ROBO1: variants seen among roughly 807,000 people sequenced by gnomAD.
ROBO1 encodes roundabout homolog 1.
In ROBO1, 149 loss-of-function variants were observed where a neutral mutation model predicts 195.9. The ratio of observed to expected loss-of-function variants is 0.76; its 90% CI spans 0.67 to 0.87. The LOEUF (loss-of-function observed/expected upper bound fraction) is 0.87. Among genes scored for constraint, ROBO1 ranks in the 40% least tolerant of loss-of-function variants. The pLI, the probability that ROBO1 is intolerant of heterozygous loss-of-function variation, is 0.00. For missense variants in ROBO1, 1,933 were observed against 2,068.3 expected, an observed-to-expected ratio of 0.93 and a Z score of 1.27; for synonymous variants, 816 against 733.2, an observed-to-expected ratio of 1.11 and a Z score of -1.82.
chr3:78,846,453 T>A (rs1431593447), intron 4 of ROBO1, among the ~76,000 whole-genome samples: 1 of 152,148 alleles, frequency 6.6e-6, no homozygotes, highest in Non-Finnish European at 1.5e-5. Context: ...CCCTGTGAGT[T>A]CAAGCCTTCT....
intron 1 of ROBO1, among the ~76,000 whole-genome samples, chr3:79,677,637 T>TG (rs1203418111): frequency 6.6e-6 from 1 of 152,024 alleles, no homozygotes; most frequent in East Asian, 1.9e-4. Flanking sequence ...GGTAGGGACA[T>TG]GGGGCGAAAC....
chr3:79,458,687 A>G (rs982444022), intron 2 of ROBO1, among the ~76,000 whole-genome samples: 12 of 152,250 alleles, frequency 7.9e-5, no homozygotes, highest in African/African-American at 2.9e-4. Context: ...TATTAAAACG[A>G]AACACTATGA....
chr3:79,650,112 AG>A (rs1326045280), intron 1 of ROBO1, among the ~76,000 whole-genome samples: 7 of 152,018 alleles, frequency 4.6e-5, no homozygotes, highest in African/African-American at 1.7e-4. Flanking sequence ...TTGAGAACAA[AG>A]AAAAAATAGA....
intron 1 of ROBO1, among the ~76,000 whole-genome samples, chr3:79,669,224 G>A: frequency 6.6e-6 from 1 of 151,794 alleles, no homozygotes; most frequent in East Asian, 2.0e-4. Flanking sequence ...GAGTTTCCCT[G>A]TACCAGCTCT....
At chr3:78,906,691 G>A (rs548970352) in intron 4 of ROBO1, among the ~76,000 whole-genome samples, 40 of 149,312 alleles carry the variant, frequency 2.7e-4, no homozygotes, top group Admixed American at 8.0e-4. Flanking sequence ...TGACAATTAT[G>A]AGGACCCCAA....
At chr3:78,660,997 A>G (rs1707361530) in intron 16 of ROBO1, 33 bp downstream of exon 16, 5 of 1,418,106 alleles carry the variant, frequency 3.5e-6, no homozygotes, top group Non-Finnish European at 3.9e-6. Context: ...ATATACTGCA[A>G]TGCATGGAAA....
chr3:79,549,939 A>G (rs1158595673), intron 2 of ROBO1, among the ~76,000 whole-genome samples: 1 of 151,634 alleles, frequency 6.6e-6, no homozygotes, highest in East Asian at 2.0e-4. Flanking sequence ...AGCCTGGGCA[A>G]CATAGTAAGA....
chr3:79,225,166 G>A (rs1182751027), intron 2 of ROBO1, among the ~76,000 whole-genome samples: 1 of 151,318 alleles, frequency 6.6e-6, no homozygotes, highest in Non-Finnish European at 1.5e-5. Flanking sequence ...GTAATTCTTT[G>A]GGGGGGAAAT....
At chr3:79,351,264 C>T (rs2035330988) in intron 2 of ROBO1, among the ~76,000 whole-genome samples, 2 of 152,164 alleles carry the variant, frequency 1.3e-5, no homozygotes, top group Admixed American at 6.6e-5. Context: ...CACAGATAAT[C>T]ATGAGCAAAA....
intron 3 of ROBO1, among the ~76,000 whole-genome samples, chr3:79,069,332 G>A (rs1441827620): frequency 6.6e-6 from 1 of 151,710 alleles, no homozygotes; most frequent in Admixed American, 6.6e-5. Context: ...ATTTCAGATT[G>A]TGTAGCATTT....
chr3:79,649,663 G>A lies in ROBO1; in HGVS notation c.-50-59702C>T, dbSNP rs148029550. ...AACTTGAATGGATGAAGGAATACCA[G>A]GAAACCTAGTAAAGCATTTATTTGT... is the stretch of plus-strand genomic sequence containing the variant. On this transcript the variant is annotated intron_variant, in intron 1 of 30. Coordinates refer to ENST00000464233, the MANE Select transcript of ROBO1 (RefSeq NM_002941.4). Among the ~76,000 whole-genome samples the A allele has an allele frequency of 9.8e-3, 1,490 of 152,174 alleles. 9 individuals are homozygous for A. The highest frequency in any genetic ancestry group is 0.017 in the Non-Finnish European group (1,142 of 67,974).
chr3:79,192,585 G>A (rs1451302612), intron 2 of ROBO1, among the ~76,000 whole-genome samples: 3 of 151,440 alleles, frequency 2.0e-5, no homozygotes, highest in Admixed American at 6.6e-5. Flanking sequence ...TGTTTTAGGC[G>A]GTGGGTGTGA....
At chr3:78,855,415 A>G (rs940577470) in intron 4 of ROBO1, among the ~76,000 whole-genome samples, 4 of 152,208 alleles carry the variant, frequency 2.6e-5, no homozygotes, top group Non-Finnish European at 1.5e-5. Flanking sequence ...AAAGTCAGGC[A>G]GAGCCTGGGC....
chr3:78,718,156 C>A lies in ROBO1; in HGVS notation c.658-273G>T, dbSNP rs777287290. Among the ~76,000 whole-genome samples the A allele has an allele frequency of 1.1e-3, 161 of 152,008 alleles. 1 individual carries two copies. The highest frequency in any genetic ancestry group is 3.4e-4 in the Non-Finnish European group (23 of 68,004). ...AGCTAGAAACTTGTTGCCCAATCGG[C>A]CAAGTTATTTCATATTATTTAGTTA... On this transcript the variant is annotated intron_variant, in intron 5 of 30. Coordinates refer to ENST00000464233, the MANE Select transcript of ROBO1 (RefSeq NM_002941.4).
chr3:79,004,543 T>C (rs76498869), intron 3 of ROBO1, among the ~76,000 whole-genome samples: 3 of 152,024 alleles, frequency 2.0e-5, no homozygotes, highest in Admixed American at 2.0e-4. Flanking sequence ...ACATAAGAAA[T>C]ACATCAAATC....
At chr3:79,509,253 T>C (rs949261040) in intron 2 of ROBO1, among the ~76,000 whole-genome samples, 20 of 152,148 alleles carry the variant, frequency 1.3e-4, no homozygotes, top group South Asian at 4.1e-4. Context: ...TTATTTTTTT[T>C]TTCTGGAAGG....
intron 26 of ROBO1, among the ~76,000 whole-genome samples, chr3:78,624,720 C>T (rs3773202): frequency 0.41 from 61,959 of 151,746 alleles, 12,770 homozygotes; most frequent in Middle Eastern, 0.49. Context: ...AACAGAGATA[C>T]GAACAGCAAA....
chr3:78,784,770 T>C (rs184480519), intron 4 of ROBO1, among the ~76,000 whole-genome samples: 68 of 152,324 alleles, frequency 4.5e-4, no homozygotes, highest in African/African-American at 1.5e-3. Flanking sequence ...ATGTCTTCAT[T>C]CTTTAATAGA....
At chr3:79,315,802 T>C (rs922862480) in intron 2 of ROBO1, among the ~76,000 whole-genome samples, 10 of 152,210 alleles carry the variant, frequency 6.6e-5, no homozygotes, top group African/African-American at 2.2e-4. Context: ...ACTGCCAACA[T>C]ACACATAGAC....
Sources: allele counts gnomAD v4.1 joint callset (sites outside exome capture counted in the v4.1 genomes callset), GRCh38; gene constraint gnomAD v4.1.1; transcripts MANE v1.5; gene names NCBI Gene and HGNC (gene_info 2026-07-23, HGNC 2026-07-21).